The following GTF2H5 variants were observed in gnomAD, a reference collection of about 807,000 sequenced individuals.
The protein encoded by GTF2H5 is TFB5 ortholog.
In GTF2H5, 5 loss-of-function variants were observed where a neutral mutation model predicts 7.1. The ratio of observed to expected loss-of-function variants is 0.71; its 90% confidence interval spans 0.37 to 1.49. GTF2H5 has a LOEUF of 1.49. Ranked by LOEUF, GTF2H5 falls within the 40% of genes most tolerant of loss-of-function variation. GTF2H5 has a pLI of 0.03. For missense variants in GTF2H5, 80 were observed against 83.0 expected (o/e 0.96, Z 0.14); for synonymous variants, 30 against 31.7 (o/e 0.95, Z 0.18).
chr6:158,170,543 G>C lies in GTF2H5; in HGVS notation c.35+5G>C. 1 of 1,599,546 alleles carries C rather than the reference G, an allele frequency of 6.3e-7. No homozygotes were observed. Among genetic ancestry groups the C allele is most frequent in the Non-Finnish European group, 8.6e-7 (1 of 1,166,662 alleles). ...GAAAGGAGTGCTTATAGAATGGTTA[G>C]TAGTTTTGATACTGCATGAGTTTTA... On this transcript the variant is annotated splice_donor_5th_base_variant and intron_variant, in intron 2 of 2. Coordinates refer to ENST00000607778, the MANE Select transcript of GTF2H5 (RefSeq NM_207118.3).
chr6:158,169,772 A>T (rs11758356), intron 1 of GTF2H5, among the ~76,000 whole-genome samples: 6,926 of 53,658 alleles, frequency 0.13, 910 homozygotes, highest in Admixed American at 0.15. Flanking sequence ...TATTATATAT[A>T]ATATATTGTA....
intron 2 of GTF2H5, among the ~76,000 whole-genome samples, chr6:158,183,886 G>A (rs1441922517): frequency 1.3e-5 from 2 of 152,166 alleles, no homozygotes; most frequent in Non-Finnish European, 2.9e-5. Flanking sequence ...GCCCTGCTTC[G>A]GCTCGCCCTC....
At chr6:158,169,303 A>G (rs1257824160) in intron 1 of GTF2H5, among the ~76,000 whole-genome samples, 1 of 118,034 alleles carries the variant, frequency 8.5e-6, no homozygotes, top group African/African-American at 3.1e-5. Flanking sequence ...TTTTATATAT[A>G]ATATATAATA....
Position 158,194,799 on chromosome 6 carries a change from G to C in GTF2H5, c.*2642G>C, listed in dbSNP as rs1777083050. On this transcript the variant is annotated 3_prime_UTR_variant, in exon 3 of 3. Transcript: ENST00000607778. ...TAGGTGATTAAGGGAGAAAGGGACA[G>C]TCTGAAAACAAGGTTAGTAAAAACA... is the stretch of plus-strand genomic sequence containing the variant. 1 of 152,224 alleles carries C rather than the reference G, an allele frequency of 6.6e-6. No homozygotes were observed. The highest frequency in any genetic ancestry group is 1.5e-5 in the Non-Finnish European group (1 of 68,036). The allele number at this position is 152,224 out of a possible 1,614,324, so 9.4% of individuals were successfully genotyped here.
chr6:158,174,153 G>A (rs975309311), intron 2 of GTF2H5, among the ~76,000 whole-genome samples: 3 of 152,072 alleles, frequency 2.0e-5, no homozygotes, highest in African/African-American at 4.8e-5. Flanking sequence ...CTCTTGTCTT[G>A]GAAACTAGTC....
At chr6:158,190,658 C>A in intron 2 of GTF2H5, 1 of 472,718 alleles carries the variant, frequency 2.1e-6, no homozygotes, top group South Asian at 1.6e-5. Context: ...CAGTTAATAC[C>A]TGTGCTTGTA....
intron 2 of GTF2H5, among the ~76,000 whole-genome samples, chr6:158,173,842 G>A (rs989190607): frequency 2.0e-5 from 3 of 152,184 alleles, no homozygotes; most frequent in Non-Finnish European, 2.9e-5. Flanking sequence ...GCTATTTTAT[G>A]GCCATTTCTT....
At chr6:158,186,018 T>A (rs1047674539) in intron 2 of GTF2H5, among the ~76,000 whole-genome samples, 8 of 152,028 alleles carry the variant, frequency 5.3e-5, no homozygotes, top group African/African-American at 1.4e-4. Flanking sequence ...AGCAAAAAAA[T>A]TTTTTATATG....
At chr6:158,187,418 C>T (rs1776948525) in intron 2 of GTF2H5, among the ~76,000 whole-genome samples, 1 of 152,116 alleles carries the variant, frequency 6.6e-6, no homozygotes, top group East Asian at 1.9e-4. Flanking sequence ...GCAGGGCCGT[C>T]TCAAAATATG....
chr6:158,174,136 A>G (rs910944815), intron 2 of GTF2H5, among the ~76,000 whole-genome samples: 1 of 151,846 alleles, frequency 6.6e-6, no homozygotes, highest in African/African-American at 2.4e-5. Flanking sequence ...CCTGTTGTTT[A>G]CTGTCTCTCT....
At chr6:158,168,628 G>A (rs1238555035) in intron 1 of GTF2H5, among the ~76,000 whole-genome samples, 1 of 152,242 alleles carries the variant, frequency 6.6e-6, no homozygotes, top group Non-Finnish European at 1.5e-5. Flanking sequence ...GCGCCCAGGT[G>A]TAAGTGGAAG....
intron 1 of GTF2H5, 57 bp downstream of exon 1, chr6:158,168,452 T>G (rs1236490616): frequency 6.6e-6 from 1 of 152,176 alleles, no homozygotes; most frequent in African/African-American, 2.4e-5. Flanking sequence ...CACTGAGGGG[T>G]CCCAAAGAAA....
At position 158,182,512 on chromosome 6, in the gene GTF2H5, C is replaced by T. The variant is rs183479479; in HGVS notation, c.36-9465C>T. 9.2e-5 allele frequency among the ~76,000 whole-genome samples: 14 copies of T among 152,268 alleles called. 1 individual carries two copies. The highest frequency in any genetic ancestry group is 7.8e-4 in the Admixed American group (12 of 15,294). The stretch of plus-strand genomic sequence containing the variant: ...TTCTCCTCGTCACTTTCAGATACAC[C>T]AATCAAACGTAGATTTGGTCTTTTC... On this transcript the variant is annotated intron_variant, in intron 2 of 2. Coordinates refer to ENST00000607778, the MANE Select transcript of GTF2H5 (RefSeq NM_207118.3).
chr6:158,180,357 G>C (rs534674688), intron 2 of GTF2H5, among the ~76,000 whole-genome samples: 3 of 152,258 alleles, frequency 2.0e-5, no homozygotes, highest in Non-Finnish European at 2.9e-5. Flanking sequence ...TTTCTGCCAG[G>C]GTTTGGTATC....
In GTF2H5 at chr6:158,198,808, C is replaced by G. The variant is rs867193054; in HGVS notation, c.*6651C>G. ...AGCTGTTCTTCTTCTAGTTGGCCAT[C>G]ATTCTTCATCCCTCCCTCCCTTTCC... On this transcript the variant is annotated 3_prime_UTR_variant, in exon 3 of 3. Transcript: ENST00000607778. 1.5e-4 allele frequency: 23 copies of G among 152,186 alleles called. No individual in the cohort carries two copies. Among genetic ancestry groups the G allele is most frequent in the African/African-American group, 5.6e-4 (23 of 41,424 alleles). 9.4% of individuals were successfully genotyped at this position (152,186 alleles called of 1,614,324 possible).
chr6:158,184,172 G>A (rs1776857553), intron 2 of GTF2H5, among the ~76,000 whole-genome samples: 1 of 152,116 alleles, frequency 6.6e-6, no homozygotes, highest in Admixed American at 6.6e-5. Flanking sequence ...TATAATTAAA[G>A]CCTTGGGGTT....
chr6:158,176,560 A>G (rs995464603), intron 2 of GTF2H5, among the ~76,000 whole-genome samples: 9 of 152,216 alleles, frequency 5.9e-5, no homozygotes, highest in Admixed American at 5.9e-4. Flanking sequence ...CGTATGTCTT[A>G]GAATTATACC....
intron 2 of GTF2H5, among the ~76,000 whole-genome samples, chr6:158,174,131 T>G (rs1443762851): frequency 6.6e-6 from 1 of 152,202 alleles, no homozygotes; most frequent in Non-Finnish European, 1.5e-5. Flanking sequence ...TCTGACCTGT[T>G]GTTTACTGTC....
chr6:158,191,970 T>C lies in GTF2H5; in HGVS notation c.36-7T>C, dbSNP rs759888139. 2 of 1,612,180 alleles carry C rather than the reference T, an allele frequency of 1.2e-6. No homozygotes were observed. Among genetic ancestry groups the C allele is most frequent in the African/African-American group, 2.7e-5 (2 of 75,026 alleles). Reference sequence around the variant, plus strand: ...GCTGTCTTACAATCATGTGTTTGTCTTTACAGTGATCCTGCCATGAAGCAG... The same window carrying C: ...GCTGTCTTACAATCATGTGTTTGTCCTTACAGTGATCCTGCCATGAAGCAG... On this transcript the variant is annotated splice_polypyrimidine_tract_variant and splice_region_variant and intron_variant, in intron 2 of 2. Transcript: ENST00000607778.
Sources: allele counts gnomAD v4.1 joint callset (sites outside exome capture counted in the v4.1 genomes callset), GRCh38; gene constraint gnomAD v4.1.1; transcripts MANE v1.5; gene names NCBI Gene and HGNC (gene_info 2026-07-23, HGNC 2026-07-21).